Variants in TP63 observed in about 807,000 individuals in gnomAD.
TP63 encodes the protein tumor protein 63.
In TP63, 17 loss-of-function variants were observed where a neutral mutation model predicts 82.8. That is an observed-to-expected ratio of 0.21 (90% CI 0.14 to 0.31). The LOEUF is 0.31. Ranked by LOEUF, TP63 falls within the 10% of genes least tolerant of loss-of-function variation. The pLI is 1.00. For synonymous variants in TP63, 330 were observed against 321.7 expected (o/e 1.03, Z -0.28); for missense variants, 648 against 895.3 (o/e 0.72, Z 3.52).
chr3:189,858,945 G>T (rs1716655112), intron 4 of TP63, among the ~76,000 whole-genome samples: 1 of 152,118 alleles, frequency 6.6e-6, no homozygotes, highest in Non-Finnish European at 1.5e-5. Flanking sequence ...GTAGAATAGG[G>T]GTTACCAGAG....
chr3:189,625,472 GA>G, the TP63 span, among the ~76,000 whole-genome samples: 3 of 151,858 alleles, frequency 2.0e-5, no homozygotes, highest in Admixed American at 2.0e-4. Flanking sequence ...AAGGACAACT[GA>G]ATGCAACATA....
At chr3:189,846,682 CTTTTTTT>C (rs1204688713) in intron 4 of TP63, among the ~76,000 whole-genome samples, 2 of 70,628 alleles carry the variant, frequency 2.8e-5, no homozygotes, top group African/African-American at 6.0e-5. Flanking sequence ...TTTCCACATT[CTTTTTTT>C]TTTTTTTTTT....
chr3:189,848,239 T>TCCTTCTCTCTC (rs372147574), intron 4 of TP63, among the ~76,000 whole-genome samples: 2 of 95,984 alleles, frequency 2.1e-5, no homozygotes, highest in African/African-American at 8.5e-5. Flanking sequence ...CTCCTCCTCC[T>TCCTTCTCTCTC]TCTCTCTCTC....
chr3:189,621,550 A>G, the TP63 span, among the ~76,000 whole-genome samples: 1 of 150,314 alleles, frequency 6.7e-6, no homozygotes, highest in Non-Finnish European at 1.5e-5. Flanking sequence ...TATGAATATA[A>G]GTAAATATGT....
intron 1 of TP63, among the ~76,000 whole-genome samples, chr3:189,735,867 G>C (rs964701697): frequency 7.0e-4 from 106 of 152,038 alleles, no homozygotes; most frequent in African/African-American, 2.4e-3. Flanking sequence ...ACCCACATTC[G>C]AATAAGTACA....
intron 3 of TP63, among the ~76,000 whole-genome samples, chr3:189,762,997 G>A (rs1722691264): frequency 6.6e-6 from 1 of 152,204 alleles, no homozygotes. Context: ...CTTGCCAGGT[G>A]TGGTGGCTCA....
chr3:189,719,890 T>C (rs575680741), intron 1 of TP63, among the ~76,000 whole-genome samples: 2 of 152,240 alleles, frequency 1.3e-5, no homozygotes, highest in African/African-American at 2.4e-5. Flanking sequence ...AGTACTGCAT[T>C]TGAGAAGCAT....
At chr3:189,784,111 C>G (rs532690350) in intron 3 of TP63, among the ~76,000 whole-genome samples, 1 of 151,936 alleles carries the variant, frequency 6.6e-6, no homozygotes, top group East Asian at 1.9e-4. Context: ...TTGTATTTTA[C>G]TTTTTTCTTC....
At chr3:189,714,159 A>ATG (rs1247092833) in intron 1 of TP63, among the ~76,000 whole-genome samples, 46 of 152,132 alleles carry the variant, frequency 3.0e-4, no homozygotes, top group South Asian at 1.2e-3. Context: ...GTGTATGTGT[A>ATG]TGTATGTGTG....
At chr3:189,883,258 G>A (rs571806832) in intron 10 of TP63, among the ~76,000 whole-genome samples, 1 of 152,168 alleles carries the variant, frequency 6.6e-6, no homozygotes, top group African/African-American at 2.4e-5. Flanking sequence ...CTTTTTCACC[G>A]TATGTAGTTT....
rs190056623 is a variant in TP63 at position 189,882,305 on chromosome 3, T to A, written c.1350-4089T>A. ...ATATAAATGCACATATTTGAAATGA[T>A]GGAAAATATTAGAAAATTACAGTTT... On this transcript the variant is annotated intron_variant, in intron 10 of 13. Transcript: ENST00000264731. Among the ~76,000 whole-genome samples, 19 of 152,254 alleles carry A rather than the reference T, an allele frequency of 1.2e-4. No individual in the cohort carries two copies. In the East Asian group the frequency reaches 3.5e-3, roughly 28 times the overall value.
chr3:189,742,668 A>G (rs1721086454), intron 3 of TP63, among the ~76,000 whole-genome samples: 1 of 152,238 alleles, frequency 6.6e-6, no homozygotes, highest in South Asian at 2.1e-4. Context: ...ATTCATATAT[A>G]TTTCAAGCAC....
At chr3:189,597,850 C>T in the TP63 span, among the ~76,000 whole-genome samples, 1 of 151,550 alleles carries the variant, frequency 6.6e-6, no homozygotes, top group African/African-American at 2.4e-5. Flanking sequence ...ATCACCTAAA[C>T]CCAGGAGGTC....
chr3:189,824,253 G>A (rs954602721), intron 4 of TP63, among the ~76,000 whole-genome samples: 1 of 151,630 alleles, frequency 6.6e-6, no homozygotes, highest in South Asian at 2.1e-4. Flanking sequence ...GTCTCGCTCC[G>A]TCACCCAGGC....
chr3:189,848,520 CT>C (rs1221902635), intron 4 of TP63, among the ~76,000 whole-genome samples: 8 of 152,010 alleles, frequency 5.3e-5, no homozygotes, highest in African/African-American at 1.7e-4. Context: ...AACTTGGCCC[CT>C]GATCTAATGT....
chr3:189,837,843 TG>T, intron 4 of TP63, among the ~76,000 whole-genome samples: 1 of 152,142 alleles, frequency 6.6e-6, no homozygotes, highest in Non-Finnish European at 1.5e-5. Flanking sequence ...CAGGCTGGTC[TG>T]GAACTCCTGG....
At chr3:189,625,912 C>T in the TP63 span, among the ~76,000 whole-genome samples, 1 of 152,110 alleles carries the variant, frequency 6.6e-6, no homozygotes, top group Non-Finnish European at 1.5e-5. Flanking sequence ...AAACTGCCAA[C>T]CTCTTCCTGC....
rs146415323 is a variant in TP63 at position 189,651,434 on chromosome 3, T to C, written c.62+19857T>C. 4.7e-3 allele frequency among the ~76,000 whole-genome samples: 690 copies of C among 145,306 alleles called. 84 individuals are homozygous for C. Among genetic ancestry groups the C allele is most frequent in the African/African-American group, 0.017 (648 of 38,374 alleles). On this transcript the variant is annotated intron_variant, in intron 1 of 13. Transcript: ENST00000264731. ...GGTGGCAGAAGCTTGTAATCTCAGC[T>C]ACTTAGGAGGCTGAATCAGGAGAAT...
chr3:189,700,881 C>G (rs555690229), intron 1 of TP63, among the ~76,000 whole-genome samples: 2 of 152,108 alleles, frequency 1.3e-5, no homozygotes, highest in East Asian at 3.9e-4. Flanking sequence ...ACATACCAAG[C>G]TAGGAACATA....
Sources: allele counts gnomAD v4.1 joint callset (sites outside exome capture counted in the v4.1 genomes callset), GRCh38; gene constraint gnomAD v4.1.1; transcripts MANE v1.5; gene names NCBI Gene and HGNC (gene_info 2026-07-23, HGNC 2026-07-21).